Variants in PAH observed in about 807,000 individuals in gnomAD.
PAH encodes the protein phenylalanine-4-hydroxylase.
In PAH, 64 loss-of-function variants were observed where a neutral mutation model predicts 62.0. That is an observed-to-expected ratio of 1.03 (90% CI 0.84 to 1.27). The LOEUF is 1.27. PAH is among the 50% of genes most tolerant of loss of function. PAH has a pLI of 0.00. For missense variants in PAH, 579 were observed against 542.8 expected, an observed-to-expected ratio of 1.07 and a Z score of -0.66; for synonymous variants, 195 against 196.2, an observed-to-expected ratio of 0.99 and a Z score of 0.05.
Position 102,852,837 on chromosome 12 carries a change from T to C in PAH, c.820A>G (p.Lys274Glu), listed in dbSNP as rs142934616. The C allele has an allele frequency of 8.7e-4, 1,397 of 1,614,002 alleles. 8 individuals are homozygous for C. The African/African-American group carries it at 0.017, about 19-fold the overall frequency. Residue 274 changes from lysine (K) to glutamate (E), a missense_variant, in exon 7 of 13, where the codon AAG becomes GAG. Transcript: ENST00000553106. ...CACGGTTCGGGGGTATACATGGGCT[T>C]GGATCCATGTCTGATGTACTGTGTG... ...HCTQYIRHGSKPMYTPEPDIC... is the reference protein window; with the variant it reads ...HCTQYIRHGSEPMYTPEPDIC...
chr12:102,902,452 C>T (rs1193281949), intron 2 of PAH, among the ~76,000 whole-genome samples: 1 of 152,198 alleles, frequency 6.6e-6, no homozygotes, highest in African/African-American at 2.4e-5. Flanking sequence ...TAAGACTAGA[C>T]TGTAGTGGGA....
rs1381312231 is a variant in PAH, at chr12:102,883,730, A to G, written c.353-6180T>C. On this transcript the variant is annotated intron_variant, in intron 3 of 12. Transcript: ENST00000553106. Reference sequence around the variant, plus strand: ...GAGTCCAGGGGCCTTTGGTGGCTTCAGGACCCCATCATCTTCAAGAAAAGG... The same window carrying G: ...GAGTCCAGGGGCCTTTGGTGGCTTCGGGACCCCATCATCTTCAAGAAAAGG... Among the ~76,000 whole-genome samples the G allele has an allele frequency of 2.0e-5, 3 of 152,162 alleles. No homozygotes were observed. In the South Asian group the frequency reaches 6.2e-4, roughly 32 times the overall value.
chr12:102,897,465 G>GTATATATATATATATATATA (rs376902236), intron 2 of PAH, among the ~76,000 whole-genome samples: 2 of 93,970 alleles, frequency 2.1e-5, no homozygotes, highest in Admixed American at 1.2e-4. Context: ...GTGTGTGTGT[G>GTATATATATATATATATATA]TATATATATA....
intron 2 of PAH, among the ~76,000 whole-genome samples, chr12:102,907,240 C>A (rs1032166895): frequency 1.3e-5 from 2 of 152,130 alleles, no homozygotes; most frequent in Non-Finnish European, 2.9e-5. Flanking sequence ...TGCCCCCTCA[C>A]CCCAAGAATG....
intron 3 of PAH, among the ~76,000 whole-genome samples, chr12:102,887,750 A>T (rs545140281): frequency 6.6e-6 from 1 of 152,310 alleles, no homozygotes; most frequent in African/African-American, 2.4e-5. Flanking sequence ...GCGGTCATCC[A>T]TCTGGAAGGG....
chr12:102,943,336 C>A (rs185612891), intron 1 of PAH, among the ~76,000 whole-genome samples: 1 of 152,124 alleles, frequency 6.6e-6, no homozygotes, highest in South Asian at 2.1e-4. Flanking sequence ...CATCACTAAT[C>A]ATTAGAGAAA....
chr12:102,887,788 T>C (rs1293442428), intron 3 of PAH, among the ~76,000 whole-genome samples: 2 of 152,092 alleles, frequency 1.3e-5, no homozygotes, highest in Non-Finnish European at 2.9e-5. Context: ...ACCTAGCTAG[T>C]AGTGTACAAA....
At chr12:102,943,028 G>A (rs1879348750) in intron 1 of PAH, among the ~76,000 whole-genome samples, 1 of 151,826 alleles carries the variant, frequency 6.6e-6, no homozygotes, top group Non-Finnish European at 1.5e-5. Flanking sequence ...ATTTCATGAA[G>A]AAAACACCAA....
At chr12:102,923,232 C>T (rs1878600900) in intron 1 of PAH, among the ~76,000 whole-genome samples, 1 of 152,166 alleles carries the variant, frequency 6.6e-6, no homozygotes, top group Non-Finnish European at 1.5e-5. Flanking sequence ...ATGATAATGC[C>T]TGCGTGAATG....
At chr12:102,908,639 G>A (rs1449230301) in intron 2 of PAH, among the ~76,000 whole-genome samples, 2 of 133,998 alleles carry the variant, frequency 1.5e-5, no homozygotes, top group African/African-American at 3.3e-5. Flanking sequence ...ACATAACCTG[G>A]ACTCAGTGTC....
At chr12:102,902,199 C>A (rs1877787540) in intron 2 of PAH, among the ~76,000 whole-genome samples, 1 of 152,158 alleles carries the variant, frequency 6.6e-6, no homozygotes, top group Admixed American at 6.5e-5. Flanking sequence ...TAAGAGAATG[C>A]ACAATGTGAG....
At chr12:102,875,670 T>C (rs1483416804) in intron 4 of PAH, among the ~76,000 whole-genome samples, 2 of 152,194 alleles carry the variant, frequency 1.3e-5, no homozygotes, top group East Asian at 3.9e-4. Context: ...TCCCCACATT[T>C]ACCTTTACTT....
At chr12:102,889,490 TGATA>T (rs140067194) in intron 3 of PAH, among the ~76,000 whole-genome samples, 2,637 of 151,762 alleles carry the variant, frequency 0.017, 43 homozygotes, top group Middle Eastern at 0.027. Context: ...GGTAGATAGA[TGATA>T]GATAGACAGG....
rs1019560851 is a variant in PAH at position 102,957,442 on chromosome 12, A to C, written c.-96+753T>G. On this transcript the variant is annotated intron_variant, in intron 1 of 4. Transcript: ENST00000551337. This position sits in a 1 kb window ranked among gnomAD's most constrained non-coding sequence, Gnocchi z 4.1. ...CGCCAGGCGCACGCACTGCAACAACAAACCCAGCTGAATGGAGAGTTTGCA... is the reference window on the plus strand; with the variant it reads ...CGCCAGGCGCACGCACTGCAACAACCAACCCAGCTGAATGGAGAGTTTGCA... Among the ~76,000 whole-genome samples, 5 of 151,624 alleles carry C rather than the reference A, an allele frequency of 3.3e-5. No individual in the cohort carries two copies. The highest frequency in any genetic ancestry group is 5.9e-5 in the Non-Finnish European group (4 of 67,852).
rs1261205543 is a variant in PAH, at chr12:102,838,282, A to G, written c.*893T>C. 6.6e-6 allele frequency: 1 copy of G among 152,240 alleles called. No homozygotes were observed. The highest frequency in any genetic ancestry group is 6.5e-5 in the Admixed American group (1 of 15,290). The allele number at this position is 152,240 out of a possible 1,614,324, so 9.4% of individuals were successfully genotyped here. A position where few individuals can be genotyped will look rare whatever the true frequency, so the allele number is the denominator to read the frequency against. On this transcript the variant is annotated 3_prime_UTR_variant, in exon 13 of 13. Transcript: ENST00000553106. ...GCTAATGTATTTCTAAGGCAGTGAG[A>G]GGAATATTTCATTCCAGGAAATAAC... is the stretch of plus-strand genomic sequence containing the variant.
intron 2 of PAH, among the ~76,000 whole-genome samples, chr12:102,905,330 C>T (rs1877933231): frequency 6.6e-6 from 1 of 152,280 alleles, no homozygotes; most frequent in South Asian, 2.1e-4. Context: ...GATTCACCCC[C>T]TTGTAAGTAA....
chr12:102,948,892 G>T (rs1480789867), intron 1 of PAH, among the ~76,000 whole-genome samples: 1 of 152,182 alleles, frequency 6.6e-6, no homozygotes, highest in African/African-American at 2.4e-5. Context: ...TATCAGGGGA[G>T]AACGTCATTA....
chr12:102,866,090 A>C (rs1639389772), intron 5 of PAH, among the ~76,000 whole-genome samples: 1 of 151,852 alleles, frequency 6.6e-6, no homozygotes, highest in African/African-American at 2.4e-5. Flanking sequence ...CAGGAAAAAA[A>C]AAAAACCATC....
rs1368976942 is a variant in PAH at position 102,855,275 on chromosome 12, T to C, written c.567A>G (p.Thr189=). ...YMEEEKKTWG[T]VFKTLKSLYK... ...ACAAGGACTTCAGAGTCTTGAACAC[T>C]GTGCCCCATGTTTTCTTTTCTTCCT... is the stretch of plus-strand genomic sequence containing the variant. Residue 189 remains threonine (T), a synonymous_variant, in exon 6 of 13, where the codon ACA becomes ACG. Transcript: ENST00000553106. 6.2e-7 allele frequency: 1 copy of C among 1,614,214 alleles called. No individual in the cohort carries two copies. Among genetic ancestry groups the C allele is most frequent in the Non-Finnish European group, 8.5e-7 (1 of 1,180,032 alleles).
Sources: gnomAD v4.1 joint callset for allele counts (sites outside exome capture counted in the v4.1 genomes callset) on GRCh38, gnomAD v4.1.1 for gene constraint, Gnocchi (gnomAD v3.1) non-coding constraint, MANE v1.5 for transcripts, NCBI Gene and HGNC (gene_info 2026-07-23, HGNC 2026-07-21) for gene names.